The following IFFO2 variants were observed in gnomAD, a reference collection of about 807,000 sequenced individuals.
The protein encoded by IFFO2 is intermediate filament family orphan 2.
Under a neutral mutation model 53.5 loss-of-function variants are expected in IFFO2, and 19 were observed. That is an observed-to-expected ratio of 0.36 (90% CI 0.25 to 0.52). The LOEUF is 0.52. Ranked by LOEUF, IFFO2 falls within the 20% of genes least tolerant of loss-of-function variation. The pLI is 0.94. For missense variants in IFFO2, 570 were observed against 727.4 expected, an observed-to-expected ratio of 0.78 and a Z score of 2.49; for synonymous variants, 303 against 313.6, an observed-to-expected ratio of 0.97 and a Z score of 0.36.
intron 1 of IFFO2, among the ~76,000 whole-genome samples, chr1:18,939,547 T>C (rs1046710972): frequency 6.6e-6 from 1 of 152,194 alleles, no homozygotes; most frequent in Non-Finnish European, 1.5e-5. Flanking sequence ...AGAAAAGGAA[T>C]GTGCCTCCCT....
At chr1:18,923,338 G>A (rs770806356) in intron 1 of IFFO2, among the ~76,000 whole-genome samples, 2 of 152,224 alleles carry the variant, frequency 1.3e-5, no homozygotes, top group Non-Finnish European at 2.9e-5. Context: ...TGAGGAAGGC[G>A]AGGCAGGGGC....
chr1:18,905,490 C>T lies in IFFO2; in HGVS notation c.*3071G>A, dbSNP rs1181632869. On this transcript the variant is annotated 3_prime_UTR_variant, in exon 9 of 9. Coordinates refer to ENST00000455833, the MANE Select transcript of IFFO2 (RefSeq NM_001136265.2). ...AGCTTAAGTTACATCTTATATTCTC[C>T]CCCACCCCACCCCCTCTCCTCCCAC... is the stretch of plus-strand genomic sequence containing the variant. The T allele has an allele frequency of 2.0e-5, 3 of 151,522 alleles. No homozygotes were observed. The highest frequency in any genetic ancestry group is 7.3e-5 in the African/African-American group (3 of 41,182). The allele number at this position is 151,522 out of a possible 1,614,324, so 9.4% of individuals were successfully genotyped here.
chr1:18,914,913 G>C (rs531441148), intron 5 of IFFO2, among the ~76,000 whole-genome samples: 33 of 151,846 alleles, frequency 2.2e-4, no homozygotes, highest in Non-Finnish European at 3.2e-4. Context: ...AGAATCTAGG[G>C]GTCTCCTTAT....
chr1:18,938,598 C>A (rs1215822639), intron 1 of IFFO2, among the ~76,000 whole-genome samples: 1 of 152,208 alleles, frequency 6.6e-6, no homozygotes, highest in Admixed American at 6.5e-5. Context: ...GGAAGCCCAG[C>A]TCTGCCTGTG....
intron 1 of IFFO2, among the ~76,000 whole-genome samples, chr1:18,940,986 T>C (rs1557648174): frequency 6.6e-6 from 1 of 152,198 alleles, no homozygotes; most frequent in African/African-American, 2.4e-5. Context: ...CACGAGACTC[T>C]AGTGGTGGAA....
intron 1 of IFFO2, among the ~76,000 whole-genome samples, chr1:18,952,645 C>T (rs1393393720): frequency 6.6e-6 from 1 of 152,096 alleles, no homozygotes; most frequent in Non-Finnish European, 1.5e-5. Context: ...ATGAAATGTC[C>T]GGAAAAGGCT....
At chr1:18,911,664 G>A (rs866446321) in intron 6 of IFFO2, among the ~76,000 whole-genome samples, 188 bp from the exon 7 acceptor site, 81 of 152,018 alleles carry the variant, frequency 5.3e-4, no homozygotes, top group African/African-American at 1.7e-3. Context: ...TCAGCCTCCC[G>A]AATAGCTGGG....
At chr1:18,944,522 C>T (rs1936561715) in intron 1 of IFFO2, among the ~76,000 whole-genome samples, 1 of 152,216 alleles carries the variant, frequency 6.6e-6, no homozygotes, top group East Asian at 1.9e-4. Flanking sequence ...GAGCTCCAAA[C>T]CAGCAGCTTC....
chr1:18,926,866 G>A lies in IFFO2; in HGVS notation c.666-5745C>T, dbSNP rs568630445. On this transcript the variant is annotated intron_variant, in intron 1 of 8. Coordinates refer to ENST00000455833, the MANE Select transcript of IFFO2 (RefSeq NM_001136265.2). ...AGATTTTTCACTTCCTGTGCAGTCA[G>A]AAAAAGAGGCTCGAGGCTCCCGCTC... Among the ~76,000 whole-genome samples, 211 of 152,286 alleles carry A rather than the reference G, an allele frequency of 1.4e-3. 3 individuals carry two copies. Among genetic ancestry groups the A allele is most frequent in the Admixed American group, 1.7e-3 (26 of 15,294 alleles).
In IFFO2 at chr1:18,916,528, G is replaced by A. The variant is rs1303615334; in HGVS notation, c.1103+375C>T. Among the ~76,000 whole-genome samples the A allele has an allele frequency of 1.3e-5, 2 of 152,222 alleles. No individual in the cohort carries two copies. Among genetic ancestry groups the A allele is most frequent in the African/African-American group, 4.8e-5 (2 of 41,466 alleles). ...CGCCTGTAATCCCAGCACTTTGGGA[G>A]GCCAAGGCAGAAGCATCGCTTGAGC... On this transcript the variant is annotated intron_variant, in intron 5 of 8. Transcript: ENST00000455833. This position sits in a 1 kb window ranked among gnomAD's most constrained non-coding sequence, Gnocchi z 4.3.
At chr1:18,911,519 AT>A in intron 6 of IFFO2, 43 bp from the exon 7 acceptor site, 2 of 586,384 alleles carry the variant, frequency 3.4e-6, no homozygotes, top group Non-Finnish European at 4.8e-6. Flanking sequence ...TTATTTATTT[AT>A]TTATTTATTT....
chr1:18,915,640 T>G (rs543873134), intron 5 of IFFO2, among the ~76,000 whole-genome samples: 1 of 146,092 alleles, frequency 6.8e-6, no homozygotes, highest in African/African-American at 2.4e-5. Context: ...CCTCTCAGAG[T>G]CTCAGTTTCC....
At chr1:18,923,108 G>A (rs1464161377) in intron 1 of IFFO2, among the ~76,000 whole-genome samples, 2 of 152,220 alleles carry the variant, frequency 1.3e-5, no homozygotes, top group African/African-American at 4.8e-5. Context: ...GCGAGCCCCG[G>A]CAAGCCTCTG....
At position 18,917,136 on chromosome 1, in the gene IFFO2, T is replaced by A; in HGVS notation, c.964-94A>T. ...GGAAGGGAGCCGGCATCTCACAGGA[T>A]GATGAGCGTGACTGGGGCCGGCCAG... On this transcript the variant is annotated intron_variant, in intron 4 of 8. Transcript: ENST00000455833. This position sits in a 1 kb window ranked among gnomAD's most constrained non-coding sequence, Gnocchi z 5.9. The A allele has an allele frequency of 7.2e-7, 1 of 1,389,558 alleles. No individual in the cohort carries two copies. Among genetic ancestry groups the A allele is most frequent in the Non-Finnish European group, 9.8e-7 (1 of 1,023,068 alleles). 86.1% of individuals were successfully genotyped at this position (1,389,558 alleles called of 1,614,324 possible).
At position 18,918,187 on chromosome 1, in the gene IFFO2, G is replaced by A. The variant is rs554883251; in HGVS notation, c.963+175C>T. Among the ~76,000 whole-genome samples, 4 of 152,310 alleles carry A rather than the reference G, an allele frequency of 2.6e-5. No homozygotes were observed. The highest frequency in any genetic ancestry group is 6.5e-5 in the Admixed American group (1 of 15,308). ...GTCAGACGAGCCTATGAGTCCACGGGTGCCTGATTCTACGTTTTCCTGGGG... is the reference window on the plus strand; with the variant it reads ...GTCAGACGAGCCTATGAGTCCACGGATGCCTGATTCTACGTTTTCCTGGGG... On this transcript the variant is annotated intron_variant, in intron 4 of 8. Transcript: ENST00000455833. The surrounding 1 kb of genome is among the most constrained non-coding windows in gnomAD (Gnocchi z 5.2).
chr1:18,920,864 G>A (rs1424390688), intron 2 of IFFO2, among the ~76,000 whole-genome samples, 197 bp downstream of exon 2: 1 of 152,242 alleles, frequency 6.6e-6, no homozygotes. Context: ...GCAACACTGT[G>A]CTGGTCCATT....
At chr1:18,955,542 A>C in intron 1 of IFFO2, 126 bp downstream of exon 1, 1 of 1,357,678 alleles carries the variant, frequency 7.4e-7, no homozygotes. Flanking sequence ...ACGCTCTGCA[A>C]ACACAGCTTC....
intron 1 of IFFO2, among the ~76,000 whole-genome samples, chr1:18,951,167 C>T (rs977181258): frequency 1.3e-5 from 2 of 152,134 alleles, no homozygotes; most frequent in Non-Finnish European, 2.9e-5. Context: ...AAATGGAATA[C>T]TTTTTGGACA....
rs78931394 is a variant in IFFO2, at chr1:18,911,316, C to G, written c.1317+68G>C. The G allele has an allele frequency of 5.6e-3, 4,381 of 787,654 alleles. 14 individuals are homozygous for G. Among genetic ancestry groups the G allele is most frequent in the Non-Finnish European group, 6.4e-3 (3,440 of 538,318 alleles). 48.8% of individuals were successfully genotyped at this position (787,654 alleles called of 1,614,324 possible). A position where few individuals can be genotyped will look rare whatever the true frequency, so the allele number is the denominator to read the frequency against. ...TGCCCATGACACATGGGTGTTTGAT[C>G]GCCAGGATCTCAACCATGTGGACCT... On this transcript the variant is annotated intron_variant, in intron 7 of 8. Transcript: ENST00000455833.
Sources: allele counts gnomAD v4.1 joint callset (sites outside exome capture counted in the v4.1 genomes callset), GRCh38; gene constraint gnomAD v4.1.1; non-coding constraint Gnocchi (gnomAD v3.1); transcripts MANE v1.5; gene names NCBI Gene and HGNC (gene_info 2026-07-23, HGNC 2026-07-21).